Variants in SV2B observed in about 807,000 individuals in gnomAD.
SV2B encodes synaptic vesicle glycoprotein 2B.
A neutral mutation model predicts 73.9 loss-of-function variants in SV2B; 41 were observed. The observed-to-expected ratio is 0.56, with a 90% CI of 0.43 to 0.72. The LOEUF (loss-of-function observed/expected upper bound fraction) is 0.72, where lower values mean the gene tolerates loss of function less well. Among genes scored for constraint, SV2B ranks in the 30% least tolerant of loss-of-function variants. The probability of loss-of-function intolerance (pLI) is 0.00; values close to 1 mark genes in which losing one functional copy is unlikely to be tolerated. For missense variants in SV2B, 764 were observed against 857.8 expected, an observed-to-expected ratio of 0.89 and a Z score of 1.37; for synonymous variants, 314 against 314.2, an observed-to-expected ratio of 1.00 and a Z score of 0.01.
At chr15:91,244,364 A>G (rs1034179573) in intron 2 of SV2B, among the ~76,000 whole-genome samples, 4 of 152,358 alleles carry the variant, frequency 2.6e-5, no homozygotes, top group South Asian at 4.1e-4. Context: ...CCAACTACCA[A>G]GAGAATGGAC....
rs1341014987 is a variant in SV2B at position 91,293,539 on chromosome 15, A to G, written c.*987A>G. Reference sequence around the variant, plus strand: ...CAGATGACTTGTGAAACTCAAGCTCACCATCTTCAGTGCTGGCATTTTACT... The same window carrying G: ...CAGATGACTTGTGAAACTCAAGCTCGCCATCTTCAGTGCTGGCATTTTACT... On this transcript the variant is annotated 3_prime_UTR_variant, in exon 13 of 13. Coordinates refer to ENST00000394232, the MANE Select transcript of SV2B (RefSeq NM_001323032.3). 3 of 152,224 alleles carry G rather than the reference A, an allele frequency of 2.0e-5. No homozygotes were observed. The highest frequency in any genetic ancestry group is 7.2e-5 in the African/African-American group (3 of 41,452). The allele number at this position is 152,224 out of a possible 1,614,324, so 9.4% of individuals were successfully genotyped here. A position where few individuals can be genotyped will look rare whatever the true frequency, so the allele number is the denominator to read the frequency against.
chr15:91,264,976 T>G (rs1180719101), intron 6 of SV2B, among the ~76,000 whole-genome samples: 1 of 152,128 alleles, frequency 6.6e-6, no homozygotes, highest in Non-Finnish European at 1.5e-5. Flanking sequence ...GATGATTATA[T>G]TAATGATGTA....
At chr15:91,279,163 G>C (rs1406613274) in intron 9 of SV2B, among the ~76,000 whole-genome samples, 4 of 152,206 alleles carry the variant, frequency 2.6e-5, no homozygotes, top group Non-Finnish European at 5.9e-5. Context: ...TGTCCCCTTA[G>C]AAGTGGTTTT....
At position 91,253,698 on chromosome 15, in the gene SV2B, G is replaced by A. The variant is rs1470614618; in HGVS notation, c.784+1178G>A. Among the ~76,000 whole-genome samples, 1 of 152,208 alleles carries A rather than the reference G, an allele frequency of 6.6e-6. No homozygotes were observed. Among genetic ancestry groups the A allele is most frequent in the Admixed American group, 6.5e-5 (1 of 15,278 alleles). ...CTACAGCTTACAAGGTCTCCGGTTT[G>A]GGGAAAGAGAATGGGCAGTTGTAGA... On this transcript the variant is annotated intron_variant, in intron 4 of 12. Coordinates refer to ENST00000394232, the MANE Select transcript of SV2B (RefSeq NM_001323032.3). The surrounding 1 kb of genome is among the most constrained non-coding windows in gnomAD (Gnocchi z 5.0).
In SV2B at chr15:91,220,030, G is replaced by T. The variant is rs1319236469; in HGVS notation, c.-391-5843G>T. Among the ~76,000 whole-genome samples the T allele has an allele frequency of 3.3e-5, 5 of 152,122 alleles. No individual in the cohort carries two copies. The highest frequency in any genetic ancestry group is 7.3e-5 in the Non-Finnish European group (5 of 68,034). The stretch of plus-strand genomic sequence containing the variant: ...TCCATTCATCAGCTGGTGGACATTT[G>T]TACTGTTCCCAGTTTGGGGCAATTA... On this transcript the variant is annotated intron_variant, in intron 1 of 12. Transcript: ENST00000394232. This position sits in a 1 kb window ranked among gnomAD's most constrained non-coding sequence, Gnocchi z 4.1.
intron 1 of SV2B, among the ~76,000 whole-genome samples, chr15:91,216,212 T>C (rs1402904131): frequency 6.6e-6 from 1 of 152,194 alleles, no homozygotes; most frequent in Non-Finnish European, 1.5e-5. Context: ...CACGGGTTGA[T>C]GTAATCTACC....
Position 91,197,539 on chromosome 15 carries a change from A to G in SV2B, c.-391-28334A>G, listed in dbSNP as rs1270486570. Reference sequence around the variant, plus strand: ...GCGCCCAGCCATCATTGTTTTTAATAGAAGAAAAAAAAAACCAAACCAAAC... The same window carrying G: ...GCGCCCAGCCATCATTGTTTTTAATGGAAGAAAAAAAAAACCAAACCAAAC... On this transcript the variant is annotated intron_variant, in intron 1 of 12. Transcript: ENST00000394232. This position sits in a 1 kb window ranked among gnomAD's most constrained non-coding sequence, Gnocchi z 4.9. Among the ~76,000 whole-genome samples the G allele has an allele frequency of 2.7e-5, 4 of 150,280 alleles. No individual in the cohort carries two copies. Among genetic ancestry groups the G allele is most frequent in the Admixed American group, 1.3e-4 (2 of 15,192 alleles).
At chr15:91,215,217 G>A (rs2045984883) in intron 1 of SV2B, among the ~76,000 whole-genome samples, 2 of 152,174 alleles carry the variant, frequency 1.3e-5, no homozygotes, top group South Asian at 4.1e-4. Context: ...CTGAAGGCTT[G>A]GGTGAGGTCT....
rs955991178 is a variant in SV2B, at chr15:91,122,699, A to G, written c.-392+22336A>G. On this transcript the variant is annotated intron_variant, in intron 1 of 12. Transcript: ENST00000394232. The surrounding 1 kb of genome is among the most constrained non-coding windows in gnomAD (Gnocchi z 4.3). ...TAGTCCTGTACTTTCCAAGACATCT[A>G]TTGAAATAAGAGCTTCATCCTGGAG... Among the ~76,000 whole-genome samples, 11 of 152,200 alleles carry G rather than the reference A, an allele frequency of 7.2e-5. No homozygotes were observed. Among genetic ancestry groups the G allele is most frequent in the African/African-American group, 2.7e-4 (11 of 41,450 alleles).
intron 1 of SV2B, among the ~76,000 whole-genome samples, chr15:91,153,807 G>C (rs2043395152): frequency 1.2e-5 from 1 of 80,934 alleles, no homozygotes. Context: ...TTATGTGAGG[G>C]CAGGGGCAGG....
rs117015823 is a variant in SV2B at position 91,116,596 on chromosome 15, G to A, written c.-392+16233G>A. 8.7e-4 allele frequency among the ~76,000 whole-genome samples: 132 copies of A among 152,310 alleles called. 5 individuals carry two copies. The East Asian group carries it at 0.024, about 28-fold the overall frequency. ...TACTCAAAGTTCAGAGAAGGGTCAT[G>A]CATTCTGGAAGGGAAGCCTGTCTTA... On this transcript the variant is annotated intron_variant, in intron 1 of 12. Coordinates refer to ENST00000394232, the MANE Select transcript of SV2B (RefSeq NM_001323032.3).
rs200905783 is a variant in SV2B, at chr15:91,193,408, T to TA, written c.-391-32456dup. On this transcript the variant is annotated intron_variant, in intron 1 of 12. Coordinates refer to ENST00000394232, the MANE Select transcript of SV2B (RefSeq NM_001323032.3). ...CCTGACATTGCCCAAGTTGGATATT[T>TA]AAAAAAAAACAAAAACAAAAACAAA... 5.2e-3 allele frequency among the ~76,000 whole-genome samples: 791 copies of TA among 151,158 alleles called. 7 individuals are homozygous for TA. Among genetic ancestry groups the TA allele is most frequent in the Non-Finnish European group, 8.6e-3 (584 of 67,726 alleles).
chr15:91,274,587 T>C (rs2048422948), intron 9 of SV2B, among the ~76,000 whole-genome samples: 3 of 152,196 alleles, frequency 2.0e-5, no homozygotes, highest in African/African-American at 7.2e-5. Context: ...CGTCTTGTCT[T>C]AGGACATTTA....
rs1175305552 is a variant in SV2B, at chr15:91,227,857, C to G, written c.451+1143C>G. 6.6e-6 allele frequency among the ~76,000 whole-genome samples: 1 copy of G among 152,212 alleles called. No individual in the cohort carries two copies. Among genetic ancestry groups the G allele is most frequent in the East Asian group, 1.9e-4 (1 of 5,200 alleles). ...ATACTTGCTATAGAGCAAGAGCTAG[C>G]AAACAGTTCTGTAAAGACCCAGATA... On this transcript the variant is annotated intron_variant, in intron 2 of 12. Transcript: ENST00000394232. The surrounding 1 kb of genome is among the most constrained non-coding windows in gnomAD (Gnocchi z 4.5).
intron 2 of SV2B, among the ~76,000 whole-genome samples, chr15:91,235,005 G>C (rs898921610): frequency 2.0e-5 from 3 of 152,178 alleles, no homozygotes; most frequent in Non-Finnish European, 4.4e-5. Flanking sequence ...GGGTCCTCAA[G>C]CTTGTTCTGT....
rs1173799433 is a variant in SV2B at position 91,130,443 on chromosome 15, A to G, written c.-392+30080A>G. ...AGACAGAATAGAAGCAGAAAATCTC[A>G]TGCTAGAACCATAGAGAAGATTTGC... On this transcript the variant is annotated intron_variant, in intron 1 of 12. Transcript: ENST00000394232. This position sits in a 1 kb window ranked among gnomAD's most constrained non-coding sequence, Gnocchi z 5.6. Among the ~76,000 whole-genome samples, 1 of 152,142 alleles carries G rather than the reference A, an allele frequency of 6.6e-6. No individual in the cohort carries two copies. The highest frequency in any genetic ancestry group is 2.4e-5 in the African/African-American group (1 of 41,420).
chr15:91,111,258 C>G (rs1194448099), intron 1 of SV2B, among the ~76,000 whole-genome samples: 1 of 152,186 alleles, frequency 6.6e-6, no homozygotes, highest in African/African-American at 2.4e-5. Context: ...ACTTTCAGCC[C>G]ATTTCTTTAG....
intron 1 of SV2B, among the ~76,000 whole-genome samples, chr15:91,209,128 T>TTTTTG (rs2045759698): frequency 1.4e-5 from 2 of 145,332 alleles, no homozygotes; most frequent in Admixed American, 6.7e-5. Context: ...TTTTTTTTTT[T>TTTTTG]TTTTTTTTTT....
At chr15:91,219,979 T>G (rs1011136300) in intron 1 of SV2B, among the ~76,000 whole-genome samples, 3 of 152,256 alleles carry the variant, frequency 2.0e-5, no homozygotes, top group Non-Finnish European at 4.4e-5. Flanking sequence ...TGCTAATCAG[T>G]GTTTCATTGC....
Sources: gnomAD v4.1 joint callset for allele counts (sites outside exome capture counted in the v4.1 genomes callset) on GRCh38, gnomAD v4.1.1 for gene constraint, Gnocchi (gnomAD v3.1) non-coding constraint, MANE v1.5 for transcripts, NCBI Gene and HGNC (gene_info 2026-07-23, HGNC 2026-07-21) for gene names.